C12orf42: variants seen among roughly 807,000 people sequenced by gnomAD.
C12orf42 encodes uncharacterized protein C12orf42.
Under a neutral mutation model 21.6 loss-of-function variants are expected in C12orf42, and 25 were observed. That is an observed-to-expected ratio of 1.16 (90% CI 0.84 to 1.62). C12orf42 has a LOEUF of 1.62. Among genes scored for constraint, C12orf42 ranks in the 40% most tolerant of loss-of-function variants. The pLI, the probability that C12orf42 is intolerant of heterozygous loss-of-function variation, is 0.00. For synonymous variants in C12orf42, 174 were observed against 175.0 expected, an observed-to-expected ratio of 0.99 and a Z score of 0.05; for missense variants, 483 against 459.3, an observed-to-expected ratio of 1.05 and a Z score of -0.47.
chr12:103,303,072 C>A (rs2037897730), intron 5 of C12orf42, among the ~76,000 whole-genome samples: 1 of 152,080 alleles, frequency 6.6e-6, no homozygotes, highest in South Asian at 2.1e-4. Context: ...AACTTCAAAC[C>A]AGCTGAAGAC....
chr12:103,063,925 T>C, the C12orf42 span, among the ~76,000 whole-genome samples: 2 of 152,206 alleles, frequency 1.3e-5, no homozygotes, highest in Non-Finnish European at 2.9e-5. Flanking sequence ...GTAGCGACTC[T>C]GCATTTAATG....
At position 103,275,982 on chromosome 12, in the gene C12orf42, A is replaced by G. The variant is rs149216285; in HGVS notation, n.398+1168T>C. On this transcript the variant is annotated intron_variant and non_coding_transcript_variant, in intron 5 of 6. Transcript: ENST00000546526. ...CTACTACTCAGGAGGCTGAGGTGAA[A>G]GGATCTCTTGAGCCCAGGAGTTCAA... is the stretch of plus-strand genomic sequence containing the variant. 7.2e-3 allele frequency among the ~76,000 whole-genome samples: 1,091 copies of G among 152,270 alleles called. 12 individuals are homozygous for G. The highest frequency in any genetic ancestry group is 0.018 in the African/African-American group (767 of 41,560).
chr12:103,506,699 A>T, the C12orf42 span, among the ~76,000 whole-genome samples: 3 of 147,676 alleles, frequency 2.0e-5, no homozygotes, highest in East Asian at 6.0e-4. Flanking sequence ...CCAATTGTAA[A>T]GTGATGCATG....
intron 3 of C12orf42, among the ~76,000 whole-genome samples, chr12:103,390,156 C>T (rs933569024): frequency 1.3e-5 from 2 of 152,128 alleles, no homozygotes; most frequent in Admixed American, 6.5e-5. Context: ...ATCTGTCTTT[C>T]CTCCCTGCTC....
chr12:103,206,727 C>T, the C12orf42 span, among the ~76,000 whole-genome samples: 1 of 152,174 alleles, frequency 6.6e-6, no homozygotes, highest in African/African-American at 2.4e-5. Context: ...CCTAGGTTCA[C>T]TGATTTTTTC....
At chr12:103,206,907 G>A in the C12orf42 span, among the ~76,000 whole-genome samples, 355 of 152,268 alleles carry the variant, frequency 2.3e-3, 2 homozygotes, top group African/African-American at 8.3e-3. Flanking sequence ...CCACTGAATG[G>A]AATCAGAGCT....
the C12orf42 span, among the ~76,000 whole-genome samples, chr12:103,169,732 A>G: frequency 6.6e-6 from 1 of 152,196 alleles, no homozygotes; most frequent in South Asian, 2.1e-4. Context: ...ATATCATTAA[A>G]AAGATATACA....
chr12:103,291,087 T>A (rs1593299422), intron 4 of C12orf42, among the ~76,000 whole-genome samples: 1 of 151,910 alleles, frequency 6.6e-6, no homozygotes, highest in South Asian at 2.1e-4. Flanking sequence ...TGGTTAGAGG[T>A]GGTTGGGTAT....
chr12:103,220,612 G>T, the C12orf42 span, among the ~76,000 whole-genome samples: 2 of 152,134 alleles, frequency 1.3e-5, no homozygotes, highest in African/African-American at 4.8e-5. Flanking sequence ...ATGCCACCCA[G>T]ATTTGAATAA....
the C12orf42 span, among the ~76,000 whole-genome samples, chr12:103,552,138 CTGTG>C: frequency 6.6e-6 from 1 of 152,080 alleles, no homozygotes; most frequent in Non-Finnish European, 1.5e-5. Context: ...TTTACTCACT[CTGTG>C]TTTGTTATAG....
At chr12:103,486,496 C>T (rs1954843053) in intron 1 of C12orf42, among the ~76,000 whole-genome samples, 1 of 152,008 alleles carries the variant, frequency 6.6e-6, no homozygotes, top group African/African-American at 2.4e-5. Context: ...GGGAGGATTC[C>T]CTCTTTTTCT....
At chr12:103,121,235 A>C in the C12orf42 span, among the ~76,000 whole-genome samples, 15 of 152,222 alleles carry the variant, frequency 9.9e-5, no homozygotes, top group Non-Finnish European at 1.9e-4. Flanking sequence ...AGTAAAAATA[A>C]TCAGTTATTG....
At chr12:103,384,437 C>T (rs553776901) in intron 3 of C12orf42, among the ~76,000 whole-genome samples, 54 of 152,310 alleles carry the variant, frequency 3.5e-4, no homozygotes, top group African/African-American at 1.3e-3. Context: ...ACCATACTGT[C>T]ACTTAAAAGA....
the C12orf42 span, among the ~76,000 whole-genome samples, chr12:103,524,059 C>G: frequency 6.6e-6 from 1 of 152,180 alleles, no homozygotes; most frequent in Admixed American, 6.5e-5. Context: ...CAGTTTAATT[C>G]AATTCTTCTC....
At chr12:103,368,304 CTG>C (rs1419914128) in intron 4 of C12orf42, among the ~76,000 whole-genome samples, 1 of 124,178 alleles carries the variant, frequency 8.1e-6, no homozygotes, top group African/African-American at 3.5e-5. Flanking sequence ...CTCTCTCTTT[CTG>C]TCTCTCTCTC....
chr12:103,546,971 C>T, the C12orf42 span, among the ~76,000 whole-genome samples: 4 of 152,208 alleles, frequency 2.6e-5, no homozygotes, highest in African/African-American at 9.6e-5. Context: ...CAACCACATT[C>T]TTCCATGACT....
At chr12:103,401,699 T>G (rs370281398) in intron 2 of C12orf42, 24 bp from the exon 3 acceptor site, 1 of 1,591,842 alleles carries the variant, frequency 6.3e-7, no homozygotes, top group African/African-American at 1.3e-5. Context: ...AACAAGGCAT[T>G]TAGTATCACT....
chr12:103,291,705 C>T (rs1462098088), intron 4 of C12orf42, among the ~76,000 whole-genome samples: 2 of 152,158 alleles, frequency 1.3e-5, no homozygotes, highest in Non-Finnish European at 2.9e-5. Context: ...CATTTGTAAA[C>T]TGTCATGGCA....
intron 10 of C12orf42, among the ~76,000 whole-genome samples, chr12:103,251,256 T>C (rs1715178857): frequency 6.6e-6 from 1 of 152,030 alleles, no homozygotes; most frequent in African/African-American, 2.4e-5. Context: ...CCAACCCCAC[T>C]ATAGCAACTA....
Sources: gnomAD v4.1 joint callset for allele counts (sites outside exome capture counted in the v4.1 genomes callset) on GRCh38, gnomAD v4.1.1 for gene constraint, MANE v1.5 for transcripts, NCBI Gene and HGNC (gene_info 2026-07-23, HGNC 2026-07-21) for gene names.